Variants in ZNF892 observed in about 807,000 individuals in gnomAD.
The protein encoded by ZNF892 is zinc finger protein 892, also known as zinc finger protein 570-like.
the ZNF892 span, among the ~76,000 whole-genome samples, chr2:95,254,444 G>A: frequency 2.5e-3 from 385 of 152,296 alleles, 2 homozygotes; most frequent in African/African-American, 8.8e-3. Flanking sequence ...CTTGATCATG[G>A]TGGATAAGCT....
the ZNF892 span, among the ~76,000 whole-genome samples, chr2:95,243,634 T>C: frequency 6.7e-6 from 1 of 148,732 alleles, no homozygotes; most frequent in Non-Finnish European, 1.5e-5. Flanking sequence ...GTCTGAGAAG[T>C]GAGGAGCCCC....
At chr2:95,241,438 C>G in the ZNF892 span, among the ~76,000 whole-genome samples, 1 of 152,106 alleles carries the variant, frequency 6.6e-6, no homozygotes, top group Non-Finnish European at 1.5e-5. Context: ...AACAAACAAA[C>G]AGAAAACAAA....
chr2:95,210,199 A>G, the ZNF892 span, among the ~76,000 whole-genome samples: 1 of 146,982 alleles, frequency 6.8e-6, no homozygotes, highest in Non-Finnish European at 1.5e-5. Flanking sequence ...ATGTGTATAT[A>G]TGTATATATG....
the ZNF892 span, among the ~76,000 whole-genome samples, chr2:95,230,004 A>G: frequency 1.3e-5 from 2 of 151,948 alleles, no homozygotes; most frequent in East Asian, 1.9e-4. Context: ...TTAAATTTTC[A>G]TTTTTCTGTG....
At chr2:95,256,736 C>T in the ZNF892 span, among the ~76,000 whole-genome samples, 4 of 152,212 alleles carry the variant, frequency 2.6e-5, no homozygotes, top group African/African-American at 7.2e-5. Flanking sequence ...GGTCTTTTCA[C>T]ATAGTCCCAT....
the ZNF892 span, among the ~76,000 whole-genome samples, chr2:95,253,377 A>T: frequency 1.3e-5 from 2 of 152,212 alleles, no homozygotes; most frequent in African/African-American, 4.8e-5. Context: ...CAGGTTTGTC[A>T]AAGATCAGAT....
the ZNF892 span, among the ~76,000 whole-genome samples, chr2:95,252,611 T>A: frequency 1.3e-5 from 2 of 152,212 alleles, no homozygotes; most frequent in Admixed American, 1.3e-4. Flanking sequence ...AGTAATGGGA[T>A]TGCTGGGTCA....
chr2:95,243,579 G>A, the ZNF892 span, among the ~76,000 whole-genome samples: 537 of 145,406 alleles, frequency 3.7e-3, 4 homozygotes, highest in African/African-American at 0.013. Context: ...CCTGGCAACC[G>A]CCCCGTCTGA....
the ZNF892 span, among the ~76,000 whole-genome samples, chr2:95,245,584 G>GGA: frequency 9.5e-5 from 12 of 126,066 alleles, no homozygotes; most frequent in Admixed American, 3.3e-4. Flanking sequence ...CTGGTTTTTT[G>GGA]AAAAAAAAAA....
the ZNF892 span, among the ~76,000 whole-genome samples, chr2:95,206,470 G>C: frequency 6.6e-6 from 1 of 152,142 alleles, no homozygotes; most frequent in African/African-American, 2.4e-5. Context: ...AGGAAGGGGA[G>C]GGGAACTCAA....
the ZNF892 span, chr2:95,259,020 C>G: frequency 6.6e-6 from 1 of 152,198 alleles, no homozygotes; most frequent in Non-Finnish European, 1.5e-5. Flanking sequence ...CAGAGAATAA[C>G]TGGATATGTG....
At chr2:95,245,464 T>C in the ZNF892 span, among the ~76,000 whole-genome samples, 2 of 110,206 alleles carry the variant, frequency 1.8e-5, no homozygotes, top group East Asian at 5.7e-4. Flanking sequence ...GGGGGGGGGG[T>C]TTCACCATGT....
At chr2:95,236,992 T>C in the ZNF892 span, among the ~76,000 whole-genome samples, 6 of 152,194 alleles carry the variant, frequency 3.9e-5, no homozygotes, top group Non-Finnish European at 5.9e-5. Flanking sequence ...TTCTTACAAA[T>C]GGAAGGTTTG....
chr2:95,241,510 G>A, the ZNF892 span, among the ~76,000 whole-genome samples: 2 of 152,098 alleles, frequency 1.3e-5, no homozygotes, highest in Non-Finnish European at 2.9e-5. Flanking sequence ...CTCAAAGATC[G>A]AAGGTAGCTA....
the ZNF892 span, among the ~76,000 whole-genome samples, chr2:95,252,784 G>T: frequency 6.6e-6 from 1 of 152,182 alleles, no homozygotes; most frequent in Non-Finnish European, 1.5e-5. Flanking sequence ...TATTCTAACT[G>T]GTGTGAGATG....
the ZNF892 span, among the ~76,000 whole-genome samples, chr2:95,254,448 A>T: frequency 6.6e-6 from 1 of 152,332 alleles, no homozygotes; most frequent in South Asian, 2.1e-4. Context: ...ATCATGGTGG[A>T]TAAGCTTTTT....
At chr2:95,227,589 TG>T in the ZNF892 span, among the ~76,000 whole-genome samples, 1 of 151,964 alleles carries the variant, frequency 6.6e-6, no homozygotes, top group African/African-American at 2.4e-5. Flanking sequence ...CCCAAAGTGC[TG>T]GGATTACAGG....
chr2:95,228,765 GTTTTC>G, the ZNF892 span, among the ~76,000 whole-genome samples: 1 of 152,022 alleles, frequency 6.6e-6, no homozygotes, highest in South Asian at 2.1e-4. Context: ...CCACCTGGTG[GTTTTC>G]TTTTTTTAAT....
At chr2:95,261,691 A>G in the ZNF892 span, among the ~76,000 whole-genome samples, 1 of 152,216 alleles carries the variant, frequency 6.6e-6, no homozygotes, top group Non-Finnish European at 1.5e-5. Context: ...AAGGGACACT[A>G]CAGAATCCTC....
Sources: gnomAD v4.1 joint callset for allele counts (sites outside exome capture counted in the v4.1 genomes callset) on GRCh38, gnomAD v4.1.1 for gene constraint, MANE v1.5 for transcripts, NCBI Gene and HGNC (gene_info 2026-07-23, HGNC 2026-07-21) for gene names.